ETS2: variants seen among roughly 807,000 people sequenced by gnomAD.
ETS2 encodes ETS proto-oncogene 2, transcription factor.
In ETS2, 19 loss-of-function variants were observed where a neutral mutation model predicts 54.9. The observed-to-expected ratio is 0.35, with a 90% CI of 0.24 to 0.51. ETS2 has a LOEUF of 0.51. ETS2 is among the 20% of genes least tolerant of loss of function. The pLI, the probability that ETS2 is intolerant of heterozygous loss-of-function variation, is 0.97. For synonymous variants in ETS2, 219 were observed against 229.3 expected, an observed-to-expected ratio of 0.95 and a Z score of 0.41; for missense variants, 417 against 593.0, an observed-to-expected ratio of 0.70 and a Z score of 3.08.
chr21:38,812,685 G>A (rs1202520060), intron 2 of ETS2, among the ~76,000 whole-genome samples: 3 of 152,188 alleles, frequency 2.0e-5, no homozygotes, highest in African/African-American at 7.2e-5. Context: ...GGAGGCTGAG[G>A]CAGGAGAATC....
At chr21:38,815,936 AAGG>A in intron 5 of ETS2, among the ~76,000 whole-genome samples, 1 of 52 alleles carries the variant, frequency 0.019, no homozygotes. Flanking sequence ...ACTCTGTTGA[AAGG>A]AAGGAAGGAA....
At chr21:38,807,774 A>C (rs2060899112) in intron 1 of ETS2, among the ~76,000 whole-genome samples, 2 of 152,220 alleles carry the variant, frequency 1.3e-5, no homozygotes, top group African/African-American at 4.8e-5. Flanking sequence ...TGTCCATCTC[A>C]GAGAAGCTGA....
Position 38,810,176 on chromosome 21 carries a change from GC to G in ETS2, c.72+72del. ...ATCTCTAGGAGGAAAGAAAAAAAAGGCCTGGGTCCCAGAAAACTGGTTGTAG... is the reference window on the plus strand; with the variant it reads ...ATCTCTAGGAGGAAAGAAAAAAAAGGCTGGGTCCCAGAAAACTGGTTGTAG... On this transcript the variant is annotated intron_variant, in intron 2 of 9. Transcript: ENST00000360938. 3 of 950,400 alleles carry G rather than the reference GC, an allele frequency of 3.2e-6. No homozygotes were observed. In the South Asian group the frequency reaches 5.3e-5, roughly 17 times the overall value. The allele number at this position is 950,400 out of a possible 1,614,324, so 58.9% of individuals were successfully genotyped here. A position where few individuals can be genotyped will look rare whatever the true frequency, so the allele number is the denominator to read the frequency against.
At position 38,806,491 on chromosome 21, in the gene ETS2, C is replaced by T. The variant is rs1358760583; in HGVS notation, c.-1+371C>T. 9 of 985,352 alleles carry T rather than the reference C, an allele frequency of 9.1e-6. No individual in the cohort carries two copies. Among genetic ancestry groups the T allele is most frequent in the Non-Finnish European group, 1.1e-5 (9 of 829,986 alleles). 61.0% of individuals were successfully genotyped at this position (985,352 alleles called of 1,614,324 possible). A position where few individuals can be genotyped will look rare whatever the true frequency, so the allele number is the denominator to read the frequency against. On this transcript the variant is annotated intron_variant, in intron 1 of 9. Coordinates refer to ENST00000360938, the MANE Select transcript of ETS2 (RefSeq NM_005239.6). The surrounding 1 kb of genome is among the most constrained non-coding windows in gnomAD (Gnocchi z 4.3). ...TAGGGGGTCCTGCCCAGTGGATGTC[C>T]CGGCGAACATGATTTCGCGAACGGG...
At chr21:38,807,385 C>CA (rs769917442) in intron 1 of ETS2, among the ~76,000 whole-genome samples, 4 of 148,194 alleles carry the variant, frequency 2.7e-5, no homozygotes, top group East Asian at 2.0e-4. Flanking sequence ...TAAATGTAAC[C>CA]ATTCTCAGCT....
Position 38,821,555 on chromosome 21 carries a change from G to C in ETS2, c.1076-31G>C. ...TGCTGTATTTTACATCTGTGAAAGG[G>C]TATGATCCGTCTCCCTCCCTCTCCC... On this transcript the variant is annotated intron_variant, in intron 8 of 9. Transcript: ENST00000360938. The surrounding 1 kb of genome is among the most constrained non-coding windows in gnomAD (Gnocchi z 4.2). The C allele has an allele frequency of 7.0e-7, 1 of 1,429,286 alleles. No individual in the cohort carries two copies. Among genetic ancestry groups the C allele is most frequent in the Non-Finnish European group, 9.9e-7 (1 of 1,011,484 alleles). 88.5% of individuals were successfully genotyped at this position (1,429,286 alleles called of 1,614,324 possible).
chr21:38,821,301 A>G lies in ETS2; in HGVS notation c.1076-285A>G, dbSNP rs558385138. On this transcript the variant is annotated intron_variant, in intron 8 of 9. Transcript: ENST00000360938. The surrounding 1 kb of genome is among the most constrained non-coding windows in gnomAD (Gnocchi z 4.2). ...TGGCCCTAAACTTTCTTCCAGAAAG[A>G]ACAAACCTAGCAATCAAGGGGAAGA... 1.1e-3 allele frequency among the ~76,000 whole-genome samples: 174 copies of G among 152,326 alleles called. No individual in the cohort carries two copies. Among genetic ancestry groups the G allele is most frequent in the Non-Finnish European group, 2.0e-3 (136 of 68,024 alleles).
intron 2 of ETS2, among the ~76,000 whole-genome samples, chr21:38,811,009 A>AAGTG (rs1335911099): frequency 6.6e-6 from 1 of 152,238 alleles, no homozygotes; most frequent in Non-Finnish European, 1.5e-5. Context: ...AGCATGGCAG[A>AAGTG]AGTGGTACAA....
At position 38,806,108 on chromosome 21, in the gene ETS2, C is replaced by CCG. The variant is rs1330936302; in HGVS notation, c.-11_-10dup. ...CGTCCCGACCAAGCGCCGGCCCTGC[C>CCG]CGCAGCGGCAGGGTAAGAGCTGGGC... On this transcript the variant is annotated 5_prime_UTR_variant, in exon 1 of 10. Transcript: ENST00000360938. This position sits in a 1 kb window ranked among gnomAD's most constrained non-coding sequence, Gnocchi z 4.3. The CCG allele has an allele frequency of 1.0e-4, 109 of 1,058,356 alleles. No individual in the cohort carries two copies. The highest frequency in any genetic ancestry group is 1.2e-4 in the Non-Finnish European group (104 of 875,888). 65.6% of individuals were successfully genotyped at this position (1,058,356 alleles called of 1,614,324 possible).
intron 8 of ETS2, among the ~76,000 whole-genome samples, chr21:38,820,828 C>T (rs1212470275): frequency 2.6e-5 from 4 of 152,184 alleles, no homozygotes; most frequent in Non-Finnish European, 5.9e-5. Flanking sequence ...GGCTTAGGGT[C>T]GGAAGATCTA....
chr21:38,807,907 GCTTGTTTATTT>G lies in ETS2; in HGVS notation c.-1+1791_-1+1801del, dbSNP rs1238608581. 3.3e-5 allele frequency among the ~76,000 whole-genome samples: 5 copies of G among 152,306 alleles called. No individual in the cohort carries two copies. The East Asian group carries it at 9.6e-4, about 29-fold the overall frequency. On this transcript the variant is annotated intron_variant, in intron 1 of 9. Coordinates refer to ENST00000360938, the MANE Select transcript of ETS2 (RefSeq NM_005239.6). ...CTATGATTTTGGCCTTCTGTTTGAG[GCTTGTTTATTT>G]CTTTAATCAGCAGCTACCAGGACTT...
chr21:38,811,935 T>C (rs2060915392), intron 2 of ETS2, among the ~76,000 whole-genome samples: 1 of 152,196 alleles, frequency 6.6e-6, no homozygotes, highest in Non-Finnish European at 1.5e-5. Context: ...ACCGCAGACT[T>C]GAACTCCTGG....
chr21:38,805,698 T>A, upstream of ETS2: 1 of 1,114,366 alleles, frequency 9.0e-7, no homozygotes, highest in South Asian at 1.6e-5. This position sits in a 1 kb window ranked among gnomAD's most constrained non-coding sequence, Gnocchi z 5.2. Flanking sequence ...GCGTTCCCTC[T>A]CCTCTCCCTC....
Position 38,817,180 on chromosome 21 carries a change from C to CA in ETS2, c.589+90dup, listed in dbSNP as rs1458590871. On this transcript the variant is annotated intron_variant, in intron 6 of 9. Transcript: ENST00000360938. The stretch of plus-strand genomic sequence containing the variant: ...TCTCTACTGTAGGCTCCTAAGGGGC[C>CA]ACCTAGACCTGTGTGTCTCTTATGG... 8.7e-6 allele frequency: 7 copies of CA among 801,080 alleles called. No individual in the cohort carries two copies. The East Asian group carries it at 1.7e-4, about 20-fold the overall frequency. The allele number at this position is 801,080 out of a possible 1,614,324, so 49.6% of individuals were successfully genotyped here.
chr21:38,805,186 A>T, upstream of ETS2: 1 of 498,360 alleles, frequency 2.0e-6, no homozygotes, highest in Non-Finnish European at 3.1e-6. The surrounding 1 kb of genome is among the most constrained non-coding windows in gnomAD (Gnocchi z 5.2). Flanking sequence ...AGAGGGCGCC[A>T]CTCCCGCGGA....
chr21:38,814,769 C>T lies in ETS2; in HGVS notation c.305-12C>T, dbSNP rs1213077250. The T allele has an allele frequency of 2.5e-6, 4 of 1,608,314 alleles. No homozygotes were observed. Among genetic ancestry groups the T allele is most frequent in the Admixed American group, 3.4e-5 (2 of 58,668 alleles). On this transcript the variant is annotated splice_polypyrimidine_tract_variant and intron_variant, in intron 4 of 9. Coordinates refer to ENST00000360938, the MANE Select transcript of ETS2 (RefSeq NM_005239.6). This position sits in a 1 kb window ranked among gnomAD's most constrained non-coding sequence, Gnocchi z 4.2. ...TACCTCATGTGTTCCATTTTTTCTT[C>T]TCTCCTGGTAGACCCCTGGCTGTGG...
At chr21:38,805,507 G>T, upstream of ETS2, 7 of 1,287,812 alleles carry the variant, frequency 5.4e-6, no homozygotes, top group Non-Finnish European at 7.1e-6. The surrounding 1 kb of genome is among the most constrained non-coding windows in gnomAD (Gnocchi z 5.2). Flanking sequence ...GTCTCCGCCC[G>T]GCTCCCAGGG....
chr21:38,818,406 T>C lies in ETS2; in HGVS notation c.590-19T>C. ...AACACTGACTTTAAGAGCTCTGCCGTCCGATTGTTCTGTTCCAGGTTTTGG... is the reference window on the plus strand; with the variant it reads ...AACACTGACTTTAAGAGCTCTGCCGCCCGATTGTTCTGTTCCAGGTTTTGG... On this transcript the variant is annotated intron_variant, in intron 6 of 9. Coordinates refer to ENST00000360938, the MANE Select transcript of ETS2 (RefSeq NM_005239.6). 1 of 1,613,646 alleles carries C rather than the reference T, an allele frequency of 6.2e-7. No homozygotes were observed. The highest frequency in any genetic ancestry group is 8.5e-7 in the Non-Finnish European group (1 of 1,180,010).
Position 38,810,299 on chromosome 21 carries a change from T to C in ETS2, c.72+193T>C, listed in dbSNP as rs538685560. Among the ~76,000 whole-genome samples, 3 of 152,316 alleles carry C rather than the reference T, an allele frequency of 2.0e-5. No individual in the cohort carries two copies. In the South Asian group the frequency reaches 6.2e-4, roughly 32 times the overall value. On this transcript the variant is annotated intron_variant, in intron 2 of 9. Coordinates refer to ENST00000360938, the MANE Select transcript of ETS2 (RefSeq NM_005239.6). ...GGTCTGCAGAATGGGTATCTTGATG[T>C]GTGTTGTTCTTCTCCTCCACGATAT...
Sources: allele counts gnomAD v4.1 joint callset (sites outside exome capture counted in the v4.1 genomes callset), GRCh38; gene constraint gnomAD v4.1.1; non-coding constraint Gnocchi (gnomAD v3.1); transcripts MANE v1.5; gene names NCBI Gene and HGNC (gene_info 2026-07-23, HGNC 2026-07-21).